Variants in CYP3A43 observed in about 807,000 individuals in gnomAD.
The protein encoded by CYP3A43 is cytochrome P450 3A43.
In CYP3A43, 45 loss-of-function variants were observed where a neutral mutation model predicts 58.0. The ratio of observed to expected loss-of-function variants is 0.78; its 90% CI spans 0.61 to 0.99. CYP3A43 has a LOEUF of 0.99. Ranked by LOEUF, CYP3A43 falls within the 50% of genes least tolerant of loss-of-function variation. The probability of loss-of-function intolerance (pLI) is 0.00; values close to 1 mark genes in which losing one functional copy is unlikely to be tolerated. For missense variants in CYP3A43, 593 were observed against 591.9 expected, an observed-to-expected ratio of 1.00 and a Z score of -0.02; for synonymous variants, 191 against 201.4, an observed-to-expected ratio of 0.95 and a Z score of 0.44.
intron 1 of CYP3A43, among the ~76,000 whole-genome samples, chr7:99,833,508 G>C (rs1386763190): frequency 6.6e-6 from 1 of 152,196 alleles, no homozygotes; most frequent in Non-Finnish European, 1.5e-5. Flanking sequence ...GCAATGCCTG[G>C]GAAGGGAGGA....
chr7:99,836,534 G>A lies in CYP3A43; in HGVS notation c.153G>A (p.Leu51=). 1 of 1,598,696 alleles carries A rather than the reference G, an allele frequency of 6.3e-7. No homozygotes were observed. Among genetic ancestry groups the A allele is most frequent in the Admixed American group, 1.8e-5 (1 of 56,446 alleles). Residue 51 remains leucine, a synonymous_variant, in exon 2 of 13, where the codon TTG becomes TTA. Transcript: ENST00000354829. ...PTPLPFLGTI[L]FYLRGLWNFD... ...CTCTGCCTTTTCTGGGAACTATTTT[G>A]TTCTACCTTAGGGTAAGTGTTATTT...
At chr7:99,838,394 G>C (rs1196325737) in intron 2 of CYP3A43, among the ~76,000 whole-genome samples, 3 of 152,238 alleles carry the variant, frequency 2.0e-5, no homozygotes, top group Non-Finnish European at 4.4e-5. Flanking sequence ...TGAAAAGGAT[G>C]CTGAACAAGG....
At position 99,856,278 on chromosome 7, in the gene CYP3A43, C is replaced by T. The variant is rs546055470; in HGVS notation, c.799-555C>T. ...GTGCAAGCTGACTGATCCAACTTTGCCTTTATGAGCCCTGGAGACCAGCCC... is the reference window on the plus strand; with the variant it reads ...GTGCAAGCTGACTGATCCAACTTTGTCTTTATGAGCCCTGGAGACCAGCCC... On this transcript the variant is annotated intron_variant, in intron 8 of 12. Coordinates refer to ENST00000354829, the MANE Select transcript of CYP3A43 (RefSeq NM_057095.3). 2.1e-4 allele frequency among the ~76,000 whole-genome samples: 32 copies of T among 152,194 alleles called. 1 individual carries two copies. The highest frequency in any genetic ancestry group is 2.0e-3 in the Admixed American group (30 of 15,284).
chr7:99,850,039 C>G, intron 7 of CYP3A43: 1 of 445,522 alleles, frequency 2.2e-6, no homozygotes, highest in South Asian at 1.6e-5. Flanking sequence ...TCACTGAAAC[C>G]TCCACCTCCT....
Position 99,836,542 on chromosome 7 carries a change from T to C in CYP3A43, c.161T>C (p.Leu54Pro), listed in dbSNP as rs1563059952. Reference protein sequence around the residue: ...LPFLGTILFYLRGLWNFDREC... With the variant: ...LPFLGTILFYPRGLWNFDREC... Reference sequence around the variant, plus strand: ...TTTCTGGGAACTATTTTGTTCTACCTTAGGGTAAGTGTTATTTGAGCTCCC... The same window carrying C: ...TTTCTGGGAACTATTTTGTTCTACCCTAGGGTAAGTGTTATTTGAGCTCCC... Residue 54 changes from leucine to proline, a missense_variant, in exon 2 of 13, where the codon CTT (leucine) becomes CCT (proline). Physicochemically the swap from Leu to Pro is moderately conservative, Grantham distance 98 (BLOSUM62 -3). Transcript: ENST00000354829. The C allele has an allele frequency of 5.7e-6, 9 of 1,586,550 alleles. No individual in the cohort carries two copies. The Middle Eastern group carries it at 8.5e-4, about 149-fold the overall frequency.
chr7:99,843,056 A>G lies in CYP3A43; in HGVS notation c.219-1087A>G, dbSNP rs185561900. 2.2e-4 allele frequency among the ~76,000 whole-genome samples: 34 copies of G among 152,272 alleles called. No individual in the cohort carries two copies. The East Asian group carries it at 3.5e-3, about 16-fold the overall frequency. The stretch of plus-strand genomic sequence containing the variant: ...GACTTTGCCTCTATTCTCTCTTTTC[A>G]TATGTTTGCATTATTTTATGTAAAA... On this transcript the variant is annotated intron_variant, in intron 3 of 12. Transcript: ENST00000354829.
intron 4 of CYP3A43, among the ~76,000 whole-genome samples, chr7:99,844,575 C>T (rs1011293092): frequency 6.6e-6 from 1 of 152,188 alleles, no homozygotes. Flanking sequence ...TCTGTTCTAG[C>T]ACCAGGAGGC....
intron 1 of CYP3A43, among the ~76,000 whole-genome samples, chr7:99,828,931 T>A (rs547175056): frequency 2.8e-4 from 42 of 152,352 alleles, no homozygotes; most frequent in African/African-American, 1.0e-3. Flanking sequence ...ATACTTATTC[T>A]TTGGAGCACT....
At chr7:99,863,792 T>A (rs1015737588) in intron 12 of CYP3A43, 93 bp downstream of exon 12, 23 of 1,083,574 alleles carry the variant, frequency 2.1e-5, no homozygotes, top group Non-Finnish European at 2.8e-5. Context: ...TTTTCAATAA[T>A]TTGCTCTGTA....
chr7:99,828,977 C>G (rs1349274823), intron 1 of CYP3A43, among the ~76,000 whole-genome samples: 1 of 152,194 alleles, frequency 6.6e-6, no homozygotes, highest in Non-Finnish European at 1.5e-5. Context: ...AATAAAATAA[C>G]CTTTGTTCAT....
intron 7 of CYP3A43, among the ~76,000 whole-genome samples, chr7:99,855,256 A>G (rs1257684068): frequency 6.6e-6 from 1 of 152,222 alleles, no homozygotes; most frequent in Admixed American, 6.5e-5. Context: ...GATTCATTAA[A>G]GCAGCAGGCT....
At position 99,861,841 on chromosome 7, in the gene CYP3A43, T is replaced by G. The variant is rs773200417; in HGVS notation, c.1253+2T>G. ...GCCTGAGAAGTTCTGCCCTGAAAGG[T>G]ACAAGGCCCCTGGGAAAGGAGCCTT... is the stretch of plus-strand genomic sequence containing the variant. On this transcript the variant is annotated splice_donor_variant, in intron 11 of 12. Transcript: ENST00000354829. LOFTEE classifies it high-confidence loss of function. 1 of 1,604,492 alleles carries G rather than the reference T, an allele frequency of 6.2e-7. No individual in the cohort carries two copies. The highest frequency in any genetic ancestry group is 1.7e-5 in the Admixed American group (1 of 59,846).
At chr7:99,830,918 G>A (rs1427805679) in intron 1 of CYP3A43, among the ~76,000 whole-genome samples, 1 of 152,212 alleles carries the variant, frequency 6.6e-6, no homozygotes, top group Non-Finnish European at 1.5e-5. Flanking sequence ...ATCCGTTGAA[G>A]AAGTAAATAA....
chr7:99,859,482 A>G (rs1818134447), intron 9 of CYP3A43, among the ~76,000 whole-genome samples: 1 of 152,254 alleles, frequency 6.6e-6, no homozygotes, highest in African/African-American at 2.4e-5. Flanking sequence ...ACTTATAGAT[A>G]AAGAACTTCT....
intron 9 of CYP3A43, 51 bp downstream of exon 9, chr7:99,856,950 G>C: frequency 6.4e-7 from 1 of 1,556,778 alleles, no homozygotes. Context: ...TCAGAGAGAA[G>C]GCCCTGTTCT....
At chr7:99,858,012 A>G (rs373127961) in intron 9 of CYP3A43, among the ~76,000 whole-genome samples, 4 of 152,282 alleles carry the variant, frequency 2.6e-5, no homozygotes, top group Non-Finnish European at 1.5e-5. Flanking sequence ...GAAACAGTCT[A>G]TCGTTTTGTT....
rs377379430 is a variant in CYP3A43 at position 99,865,453 on chromosome 7, T to A, written c.1417-453T>A. The stretch of plus-strand genomic sequence containing the variant: ...GGTTCAGTTGGATGGAGTTAGTGAA[T>A]GCTTAATAAGTTGAAGACTGTCCAT... On this transcript the variant is annotated intron_variant, in intron 12 of 12. Coordinates refer to ENST00000354829, the MANE Select transcript of CYP3A43 (RefSeq NM_057095.3). Among the ~76,000 whole-genome samples, 13 of 148,946 alleles carry A rather than the reference T, an allele frequency of 8.7e-5. 2 individuals carry two copies. The highest frequency in any genetic ancestry group is 3.4e-4 in the African/African-American group (13 of 38,378).
At chr7:99,857,715 C>T (rs1165982837) in intron 9 of CYP3A43, among the ~76,000 whole-genome samples, 3 of 152,054 alleles carry the variant, frequency 2.0e-5, no homozygotes, top group African/African-American at 7.2e-5. Context: ...TGGTGGCGCA[C>T]ACCTGTAATC....
At chr7:99,860,549 C>A (rs949837240) in intron 10 of CYP3A43, among the ~76,000 whole-genome samples, 2 of 152,212 alleles carry the variant, frequency 1.3e-5, no homozygotes, top group African/African-American at 2.4e-5. Context: ...ACGTATTACC[C>A]ACACTGTTTC....
Sources: allele counts gnomAD v4.1 joint callset (sites outside exome capture counted in the v4.1 genomes callset), GRCh38; gene constraint gnomAD v4.1.1; transcripts MANE v1.5; gene names NCBI Gene and HGNC (gene_info 2026-07-23, HGNC 2026-07-21).